CSTPP1: variants seen among roughly 807,000 people sequenced by gnomAD.
The protein encoded by CSTPP1 is UPF0705 protein C11orf49.
At chr11:46,979,417 G>T in the CSTPP1 span, among the ~76,000 whole-genome samples, 1 of 152,072 alleles carries the variant, frequency 6.6e-6, no homozygotes, top group Non-Finnish European at 1.5e-5. Flanking sequence ...TGTTTATGGC[G>T]TTGACTTGAT....
chr11:47,164,147 A>G, the CSTPP1 span: 1 of 1,613,978 alleles, frequency 6.2e-7, no homozygotes, highest in South Asian at 1.1e-5. Context: ...CCAAGGAGCC[A>G]GGGGCCTTTG....
chr11:47,094,336 G>T, the CSTPP1 span, among the ~76,000 whole-genome samples: 5 of 152,172 alleles, frequency 3.3e-5, no homozygotes, highest in Admixed American at 6.5e-5. Context: ...GGGTATTGTT[G>T]TTCAATTGGT....
At chr11:47,016,390 C>CAAAAAAAAA in the CSTPP1 span, among the ~76,000 whole-genome samples, 4 of 125,848 alleles carry the variant, frequency 3.2e-5, no homozygotes, top group South Asian at 2.5e-4. Context: ...ATGGAATCTA[C>CAAAAAAAAA]AAAAAACAAA....
At chr11:47,108,996 C>G in the CSTPP1 span, 1 of 152,286 alleles carries the variant, frequency 6.6e-6, no homozygotes, top group East Asian at 1.9e-4. Flanking sequence ...CGTGAGCCAC[C>G]GCCCCTAGCC....
chr11:47,116,855 G>C, the CSTPP1 span, among the ~76,000 whole-genome samples: 1 of 151,822 alleles, frequency 6.6e-6, no homozygotes, highest in Non-Finnish European at 1.5e-5. Flanking sequence ...AATTTTCTTT[G>C]TATTTTTAGT....
At chr11:47,084,072 G>A in the CSTPP1 span, among the ~76,000 whole-genome samples, 1 of 152,106 alleles carries the variant, frequency 6.6e-6, no homozygotes, top group Non-Finnish European at 1.5e-5. Context: ...TTAACATTTG[G>A]TATTGTCAGT....
chr11:47,009,288 C>T, the CSTPP1 span, among the ~76,000 whole-genome samples: 1 of 152,134 alleles, frequency 6.6e-6, no homozygotes, highest in Non-Finnish European at 1.5e-5. Context: ...ATTACCTACT[C>T]TACTTTTATT....
chr11:47,140,285 AT>A, the CSTPP1 span, among the ~76,000 whole-genome samples: 15 of 150,954 alleles, frequency 9.9e-5, no homozygotes, highest in East Asian at 1.9e-4. Context: ...AGATTTGGAT[AT>A]TTTTTTTCTT....
chr11:47,142,260 G>GT, the CSTPP1 span, among the ~76,000 whole-genome samples: 5 of 146,956 alleles, frequency 3.4e-5, no homozygotes, highest in East Asian at 2.0e-4. Context: ...AAAAAAAAGT[G>GT]TTTTTTTTGT....
the CSTPP1 span, among the ~76,000 whole-genome samples, chr11:46,951,295 CTTTTTTT>C: frequency 7.8e-6 from 1 of 127,682 alleles, no homozygotes; most frequent in Non-Finnish European, 1.6e-5. Flanking sequence ...TCCTTAGACT[CTTTTTTT>C]TTTTTTTTTT....
chr11:46,959,202 G>T, the CSTPP1 span, among the ~76,000 whole-genome samples: 28 of 142,354 alleles, frequency 2.0e-4, no homozygotes, highest in African/African-American at 6.4e-4. Flanking sequence ...TGTTTTATTG[G>T]TTTTTTTTTT....
the CSTPP1 span, among the ~76,000 whole-genome samples, chr11:47,057,408 A>G: frequency 8.9e-3 from 1,361 of 152,278 alleles, 19 homozygotes; most frequent in African/African-American, 0.03. Flanking sequence ...ACATACATAT[A>G]TATATTTCAT....
chr11:47,140,109 TTTGC>T, the CSTPP1 span, among the ~76,000 whole-genome samples: 1 of 152,166 alleles, frequency 6.6e-6, no homozygotes, highest in Non-Finnish European at 1.5e-5. Flanking sequence ...ATGACCTACT[TTTGC>T]TGGTCATGTG....
At chr11:47,043,836 T>C in the CSTPP1 span, among the ~76,000 whole-genome samples, 1 of 152,050 alleles carries the variant, frequency 6.6e-6, no homozygotes, top group Non-Finnish European at 1.5e-5. Flanking sequence ...TACAATCCTG[T>C]CTCTAGATAT....
chr11:46,938,388 C>T, the CSTPP1 span, among the ~76,000 whole-genome samples: 1 of 149,210 alleles, frequency 6.7e-6, no homozygotes, highest in African/African-American at 2.5e-5. Context: ...ATATTATTAA[C>T]TAAAGTCCAT....
the CSTPP1 span, among the ~76,000 whole-genome samples, chr11:46,957,379 A>G: frequency 2.6e-5 from 4 of 152,280 alleles, no homozygotes; most frequent in African/African-American, 9.6e-5. Context: ...TAGCTTTCTG[A>G]GAAAGGGTGC....
At chr11:47,039,091 C>T in the CSTPP1 span, among the ~76,000 whole-genome samples, 1 of 127,148 alleles carries the variant, frequency 7.9e-6, no homozygotes. Flanking sequence ...CCTCACTTCC[C>T]AGACGGGGTG....
the CSTPP1 span, among the ~76,000 whole-genome samples, chr11:47,119,648 G>A: frequency 1.1e-5 from 1 of 89,770 alleles, no homozygotes; most frequent in East Asian, 3.6e-4. Context: ...TTTCACTCTT[G>A]TTGCCCAGGC....
chr11:47,162,170 G>A, the CSTPP1 span: 2 of 985,676 alleles, frequency 2.0e-6, no homozygotes, highest in South Asian at 4.7e-5. Flanking sequence ...TGCAAAAACT[G>A]CTTCAAGTCT....
Sources: allele counts gnomAD v4.1 joint callset (sites outside exome capture counted in the v4.1 genomes callset), GRCh38; gene constraint gnomAD v4.1.1; transcripts MANE v1.5; gene names NCBI Gene and HGNC (gene_info 2026-07-23, HGNC 2026-07-21).